Variants in SDK1 observed in about 807,000 individuals in gnomAD.
SDK1 encodes the protein sidekick cell adhesion molecule 1.
A neutral mutation model predicts 245.5 loss-of-function variants in SDK1; 157 were observed. The observed-to-expected ratio is 0.64, with a 90% CI of 0.56 to 0.73. The LOEUF is 0.73. Among genes scored for constraint, SDK1 ranks in the 30% least tolerant of loss-of-function variants. The probability of loss-of-function intolerance (pLI) is 0.00; values close to 1 mark genes in which losing one functional copy is unlikely to be tolerated. For synonymous variants in SDK1, 1,647 were observed against 1,278.5 expected (o/e 1.29, Z -6.15); for missense variants, 3,583 against 3,002.3 (o/e 1.19, Z -4.52).
chr7:3,952,894 G>A (rs755412994), intron 7 of SDK1, among the ~76,000 whole-genome samples: 1 of 152,188 alleles, frequency 6.6e-6, no homozygotes, highest in Non-Finnish European at 1.5e-5. Flanking sequence ...GTTAAGTTGT[G>A]AGGCAAGTGA....
chr7:3,762,702 G>A (rs1048482328), intron 4 of SDK1, among the ~76,000 whole-genome samples: 5 of 152,198 alleles, frequency 3.3e-5, no homozygotes, highest in African/African-American at 1.2e-4. Flanking sequence ...AACATTCACT[G>A]TAATAGACTT....
chr7:4,140,500 T>A (rs1416333336), intron 28 of SDK1, among the ~76,000 whole-genome samples: 1 of 152,162 alleles, frequency 6.6e-6, no homozygotes, highest in Non-Finnish European at 1.5e-5. Context: ...TCCTGCTGAG[T>A]GACTTTCTCT....
chr7:3,344,876 C>A (rs977940453), intron 1 of SDK1, among the ~76,000 whole-genome samples: 1 of 152,154 alleles, frequency 6.6e-6, no homozygotes, highest in African/African-American at 2.4e-5. Context: ...ATGATTACTG[C>A]CAGTCTTACT....
chr7:3,857,695 A>G lies in SDK1; in HGVS notation c.847+36112A>G, dbSNP rs866993239. Among the ~76,000 whole-genome samples the G allele has an allele frequency of 7.2e-5, 11 of 152,048 alleles. 1 individual carries two copies. In the South Asian group the frequency reaches 1.2e-3, roughly 17 times the overall value. On this transcript the variant is annotated intron_variant, in intron 5 of 44. Coordinates refer to ENST00000404826, the MANE Select transcript of SDK1 (RefSeq NM_152744.4). Reference sequence around the variant, plus strand: ...GAGTAAGACCCTGTCTCAAAAAAAAAAAATGAAAGAAAACCTAAGATAATA... The same window carrying G: ...GAGTAAGACCCTGTCTCAAAAAAAAGAAATGAAAGAAAACCTAAGATAATA...
chr7:3,395,401 T>C (rs1322008116), intron 1 of SDK1, among the ~76,000 whole-genome samples: 1 of 151,912 alleles, frequency 6.6e-6, no homozygotes, highest in Non-Finnish European at 1.5e-5. Context: ...CATCTGTGTT[T>C]GTGAGAGATA....
At chr7:3,461,879 A>G (rs898519468) in intron 1 of SDK1, among the ~76,000 whole-genome samples, 4 of 152,052 alleles carry the variant, frequency 2.6e-5, no homozygotes, top group African/African-American at 7.2e-5. Flanking sequence ...AACATGTACT[A>G]TCAATTTATC....
At chr7:3,609,662 A>C (rs1359401292) in intron 1 of SDK1, among the ~76,000 whole-genome samples, 1 of 152,038 alleles carries the variant, frequency 6.6e-6, no homozygotes, top group Non-Finnish European at 1.5e-5. Context: ...AGCCTCCCAA[A>C]GTGCTGGGAT....
intron 4 of SDK1, among the ~76,000 whole-genome samples, chr7:3,699,507 A>G (rs915447005): frequency 2.0e-5 from 3 of 152,214 alleles, no homozygotes; most frequent in Non-Finnish European, 2.9e-5. Context: ...AATCTTGATG[A>G]TGTACTCAAC....
chr7:3,408,340 T>C (rs1779106636), intron 1 of SDK1, among the ~76,000 whole-genome samples: 1 of 152,186 alleles, frequency 6.6e-6, no homozygotes, highest in Non-Finnish European at 1.5e-5. Context: ...CCATGGTGCT[T>C]GGCCAGTTCA....
intron 4 of SDK1, among the ~76,000 whole-genome samples, chr7:3,779,374 G>A (rs1416453152): frequency 1.3e-5 from 2 of 151,902 alleles, no homozygotes; most frequent in African/African-American, 2.4e-5. Context: ...GAATGACAAC[G>A]TATTCTGAGA....
intron 1 of SDK1, among the ~76,000 whole-genome samples, chr7:3,310,395 G>A (rs10250444): frequency 0.4 from 60,263 of 152,004 alleles, 12,861 homozygotes; most frequent in South Asian, 0.5. Context: ...CAACAATTGA[G>A]GTGAGAGAAA....
intron 14 of SDK1, among the ~76,000 whole-genome samples, chr7:3,988,998 G>T (rs1784083706): frequency 6.6e-6 from 1 of 152,130 alleles, no homozygotes; most frequent in Admixed American, 6.5e-5. Flanking sequence ...CTTGTGATCT[G>T]CCCACCTTGG....
intron 1 of SDK1, among the ~76,000 whole-genome samples, chr7:3,531,439 T>G (rs1305124531): frequency 6.6e-6 from 1 of 152,208 alleles, no homozygotes; most frequent in Admixed American, 6.5e-5. Context: ...ATTTTGCATA[T>G]TGAATTTAGC....
At chr7:3,419,712 T>A (rs576642408) in intron 1 of SDK1, among the ~76,000 whole-genome samples, 3 of 152,174 alleles carry the variant, frequency 2.0e-5, no homozygotes, top group Non-Finnish European at 4.4e-5. Flanking sequence ...TGGAACATAA[T>A]CTGTTTTTAG....
chr7:3,327,201 A>T (rs768017123), intron 1 of SDK1, among the ~76,000 whole-genome samples: 2 of 152,118 alleles, frequency 1.3e-5, no homozygotes, highest in South Asian at 2.1e-4. Flanking sequence ...ATTAGAGAAT[A>T]GTGTCACACA....
At chr7:3,652,987 T>G (rs1315935822) in intron 4 of SDK1, among the ~76,000 whole-genome samples, 2 of 152,212 alleles carry the variant, frequency 1.3e-5, no homozygotes, top group African/African-American at 4.8e-5. Context: ...GTGGGTGGAC[T>G]GAGCACCTCA....
At position 3,822,776 on chromosome 7, in the gene SDK1, A is replaced by C. The variant is rs372530555; in HGVS notation, c.847+1193A>C. ...AGAATGAAATTCCATCTCAAAAAGA[A>C]AAAAAAAAAAAAGAAAAGTATGTGG... is the stretch of plus-strand genomic sequence containing the variant. On this transcript the variant is annotated intron_variant, in intron 5 of 44. Transcript: ENST00000404826. 1.5e-4 allele frequency among the ~76,000 whole-genome samples: 23 copies of C among 148,858 alleles called. No homozygotes were observed. In the East Asian group the frequency reaches 4.3e-3, roughly 28 times the overall value.
intron 17 of SDK1, among the ~76,000 whole-genome samples, chr7:4,032,089 C>T (rs1219663452): frequency 1.3e-5 from 2 of 150,622 alleles, no homozygotes; most frequent in Non-Finnish European, 2.9e-5. Flanking sequence ...TCCTAGGCCA[C>T]AGAAAACCCA....
chr7:3,390,822 C>T (rs1781731634), intron 1 of SDK1, among the ~76,000 whole-genome samples: 1 of 152,148 alleles, frequency 6.6e-6, no homozygotes, highest in African/African-American at 2.4e-5. Context: ...GCCTCCAGAG[C>T]TGAGAGAATA....
Sources: gnomAD v4.1 joint callset for allele counts (sites outside exome capture counted in the v4.1 genomes callset) on GRCh38, gnomAD v4.1.1 for gene constraint, MANE v1.5 for transcripts, NCBI Gene and HGNC (gene_info 2026-07-23, HGNC 2026-07-21) for gene names.